CHD7: variants seen among roughly 807,000 people sequenced by gnomAD.
The protein encoded by CHD7 is ATP-dependent chromatin remodeler CHD7.
A neutral mutation model predicts 307.3 loss-of-function variants in CHD7; 24 were observed. The observed-to-expected ratio is 0.08, with a 90% CI of 0.06 to 0.11. The LOEUF is 0.11. Among genes scored for constraint, CHD7 ranks in the 10% least tolerant of loss-of-function variants. CHD7 has a pLI of 1.00. For synonymous variants in CHD7, 1,363 were observed against 1,349.9 expected, an observed-to-expected ratio of 1.01 and a Z score of -0.21; for missense variants, 3,106 against 3,727.1, an observed-to-expected ratio of 0.83 and a Z score of 4.34.
At chr8:60,712,176 T>C (rs1807311402) in intron 1 of CHD7, among the ~76,000 whole-genome samples, 1 of 152,256 alleles carries the variant, frequency 6.6e-6, no homozygotes, top group Non-Finnish European at 1.5e-5. Context: ...AAAATAATTT[T>C]GGTGGAAGGG....
intron 1 of CHD7, among the ~76,000 whole-genome samples, chr8:60,736,414 T>C (rs542074147): frequency 6.6e-6 from 1 of 152,274 alleles, no homozygotes; most frequent in South Asian, 2.1e-4. Context: ...CCTACCAGTG[T>C]GTGGATTCTT....
intron 19 of CHD7, among the ~76,000 whole-genome samples, chr8:60,838,754 C>T (rs1190269268): frequency 6.6e-6 from 1 of 152,246 alleles, no homozygotes; most frequent in East Asian, 1.9e-4. Context: ...GCTTTTTCAG[C>T]TTCCAGCTTG....
At chr8:60,725,466 G>A (rs1006152069) in intron 1 of CHD7, among the ~76,000 whole-genome samples, 2 of 152,158 alleles carry the variant, frequency 1.3e-5, no homozygotes, top group African/African-American at 4.8e-5. Flanking sequence ...TTTTGTTAGG[G>A]ATTTGAAGTA....
Position 60,781,371 on chromosome 8 carries a change from G to C in CHD7, c.2037G>C (p.Glu679Asp). ...KTPKAPKIPKEPKEKKAKTAT... is the reference protein window; with the variant it reads ...KTPKAPKIPKDPKEKKAKTAT... ...CGAAAGCCCCTAAGATTCCCAAAGA[G>C]CCAAAGGAAAAGAAAGCAAAAACTG... Residue 679 changes from glutamate to aspartate, a missense_variant, in exon 3 of 38, where the codon GAG becomes GAC. By Grantham distance (45) the Glu-to-Asp change is conservative. Transcript: ENST00000423902. 6.5e-7 allele frequency: 1 copy of C among 1,546,522 alleles called. No homozygotes were observed. Among genetic ancestry groups the C allele is most frequent in the Non-Finnish European group, 8.7e-7 (1 of 1,154,662 alleles).
intron 2 of CHD7, among the ~76,000 whole-genome samples, chr8:60,780,549 T>TA (rs1811158587): frequency 6.6e-6 from 1 of 152,260 alleles, no homozygotes; most frequent in East Asian, 1.9e-4. Context: ...TACTAGAATC[T>TA]TGCAATGTTC....
intron 1 of CHD7, among the ~76,000 whole-genome samples, chr8:60,705,954 CTT>C (rs1807003747): frequency 6.6e-6 from 1 of 152,118 alleles, no homozygotes; most frequent in Non-Finnish European, 1.5e-5. Flanking sequence ...AAAGAAGAAA[CTT>C]TGGATTTCCC....
Position 60,853,556 on chromosome 8 carries a change from C to T in CHD7, c.6775+56C>T, listed in dbSNP as rs117723254. ...CCCTGCAGCAGCTGGTTGTGAGATG[C>T]GTTGCTTTCTGGCAGCACGGCACCT... On this transcript the variant is annotated intron_variant, in intron 31 of 37. Coordinates refer to ENST00000423902, the MANE Select transcript of CHD7 (RefSeq NM_017780.4). 2.0e-4 allele frequency: 279 copies of T among 1,387,680 alleles called. 2 individuals are homozygous for T. In the East Asian group the frequency reaches 5.4e-3, roughly 27 times the overall value. 86.0% of individuals were successfully genotyped at this position (1,387,680 alleles called of 1,614,324 possible).
At chr8:60,864,798 T>G in intron 37 of CHD7, 2 of 559,716 alleles carry the variant, frequency 3.6e-6, no homozygotes. Context: ...TTTACCTCAC[T>G]GATGAGTAGC....
At chr8:60,731,264 CA>C (rs1251034105) in intron 1 of CHD7, among the ~76,000 whole-genome samples, 4 of 152,060 alleles carry the variant, frequency 2.6e-5, no homozygotes, top group Non-Finnish European at 2.9e-5. Context: ...ATAAATAAAT[CA>C]TAAGTATTAT....
At chr8:60,856,344 T>C in intron 33 of CHD7, 101 bp from the exon 34 acceptor site, 1 of 1,311,140 alleles carries the variant, frequency 7.6e-7, no homozygotes, top group Non-Finnish European at 1.0e-6. Flanking sequence ...TCATGAATGC[T>C]TAATTCCTTA....
chr8:60,819,932 T>G, intron 8 of CHD7, 75 bp from the exon 9 acceptor site: 1 of 975,510 alleles, frequency 1.0e-6, no homozygotes, highest in Non-Finnish European at 1.6e-6. Flanking sequence ...ATATTATTGC[T>G]TGGTGAAAAG....
At chr8:60,842,130 A>G (rs1448129833) in intron 21 of CHD7, 78 bp downstream of exon 21, 1 of 1,233,038 alleles carries the variant, frequency 8.1e-7, no homozygotes, top group Non-Finnish European at 1.1e-6. Flanking sequence ...GAAAAACTAT[A>G]TTTGTGTTTG....
intron 34 of CHD7, among the ~76,000 whole-genome samples, chr8:60,859,676 T>C (rs567669719): frequency 6.6e-6 from 1 of 152,162 alleles, no homozygotes. Flanking sequence ...TTTAAAAGGG[T>C]TGGCAGAGAA....
intron 4 of CHD7, among the ~76,000 whole-genome samples, chr8:60,799,724 AGAG>A (rs1287207865): frequency 6.6e-6 from 1 of 152,130 alleles, no homozygotes; most frequent in Non-Finnish European, 1.5e-5. Context: ...AAAGGTAGAG[AGAG>A]TAGTATAATG....
At chr8:60,791,425 C>G (rs1369950167) in intron 3 of CHD7, among the ~76,000 whole-genome samples, 2 of 152,186 alleles carry the variant, frequency 1.3e-5, no homozygotes, top group African/African-American at 2.4e-5. Flanking sequence ...TCAAGCAGCT[C>G]AGTGGCCTTA....
intron 4 of CHD7, 147 bp downstream of exon 4, chr8:60,795,274 G>A (rs1441731385): frequency 6.6e-6 from 5 of 752,796 alleles, no homozygotes; most frequent in Non-Finnish European, 8.1e-6. Flanking sequence ...TCTCCATAGC[G>A]ATGTAGGGAG....
At chr8:60,736,968 T>C (rs1165864008) in intron 1 of CHD7, among the ~76,000 whole-genome samples, 1 of 152,152 alleles carries the variant, frequency 6.6e-6, no homozygotes, top group Non-Finnish European at 1.5e-5. Flanking sequence ...TTTTGGAAGG[T>C]CAGAAAATCA....
intron 3 of CHD7, among the ~76,000 whole-genome samples, chr8:60,781,869 C>T (rs1811252766): frequency 6.6e-6 from 1 of 152,200 alleles, no homozygotes; most frequent in South Asian, 2.1e-4. Context: ...TTAATTCTCT[C>T]CACTTGGCGG....
At chr8:60,809,695 GA>G (rs1206696437) in intron 7 of CHD7, 6 of 102,086 alleles carry the variant, frequency 5.9e-5, no homozygotes, top group African/African-American at 1.2e-4. Context: ...AAAAAAAAAA[GA>G]AAAAAAAGGT....
Sources: allele counts gnomAD v4.1 joint callset (sites outside exome capture counted in the v4.1 genomes callset), GRCh38; gene constraint gnomAD v4.1.1; transcripts MANE v1.5; gene names NCBI Gene and HGNC (gene_info 2026-07-23, HGNC 2026-07-21).